PUM2: variants seen among roughly 807,000 people sequenced by gnomAD.
The protein encoded by PUM2 is pumilio RNA binding family member 2.
PUM2 carries 57 observed loss-of-function variants against 124.5 expected under a neutral mutation model. The ratio of observed to expected loss-of-function variants is 0.46; its 90% CI spans 0.37 to 0.57. PUM2 has a LOEUF of 0.57. Ranked by LOEUF, PUM2 falls within the 20% of genes least tolerant of loss-of-function variation. The pLI is 0.00. For synonymous variants in PUM2, 460 were observed against 446.1 expected (o/e 1.03, Z -0.39); for missense variants, 1,065 against 1,290.6 (o/e 0.83, Z 2.68).
intron 13 of PUM2, among the ~76,000 whole-genome samples, chr2:20,266,102 A>G (rs77336554): frequency 1.3e-5 from 2 of 152,304 alleles, no homozygotes; most frequent in African/African-American, 4.8e-5. Context: ...TTAAAAAACC[A>G]TAGACATTCA....
chr2:20,312,174 AAGT>A, intron 4 of PUM2, 59 bp downstream of exon 4: 1 of 1,407,944 alleles, frequency 7.1e-7, no homozygotes, highest in Non-Finnish European at 9.6e-7. Flanking sequence ...TTAAAAATAA[AAGT>A]AACGTAACCA....
chr2:20,319,281 G>A (rs1353926057), intron 2 of PUM2, among the ~76,000 whole-genome samples: 1 of 152,128 alleles, frequency 6.6e-6, no homozygotes, highest in Non-Finnish European at 1.5e-5. Context: ...TGAACATTTT[G>A]GACAATTCTT....
rs1683901988 is a variant in PUM2 at position 20,327,256 on chromosome 2, A to G, written c.51+54T>C. ...GATGGTTAAAAAAAAAAAATAAGTT[A>G]CAATGGCTCAAAATAAAGTGAGGTG... On this transcript the variant is annotated intron_variant, in intron 2 of 20. Coordinates refer to ENST00000361078, the MANE Select transcript of PUM2 (RefSeq NM_015317.5). The G allele has an allele frequency of 3.1e-6, 4 of 1,277,092 alleles. No individual in the cohort carries two copies. In the East Asian group the frequency reaches 9.3e-5, roughly 30 times the overall value. 79.1% of individuals were successfully genotyped at this position (1,277,092 alleles called of 1,614,324 possible).
intron 9 of PUM2, 66 bp from the exon 10 acceptor site, chr2:20,290,856 C>T: frequency 7.9e-7 from 1 of 1,261,272 alleles, no homozygotes; most frequent in South Asian, 1.8e-5. Flanking sequence ...TTATCTTGGA[C>T]AACTGTGTAT....
Position 20,278,778 on chromosome 2 carries a change from G to A in PUM2, c.1762C>T (p.Leu588=). The stretch of plus-strand genomic sequence containing the variant: ...TTGTACAAGTCAGAGCTAGTAGATA[G>A]AGACTCTCTCCTTGTGGCACTACTA... ...ASSSATRRES[L]STSSDLYKRS... Residue 588 remains leucine, a synonymous_variant, in exon 13 of 21, where the codon CTA becomes TTA. Transcript: ENST00000361078. The A allele has an allele frequency of 6.2e-7, 1 of 1,613,478 alleles. No individual in the cohort carries two copies. Among genetic ancestry groups the A allele is most frequent in the African/African-American group, 1.3e-5 (1 of 74,944 alleles).
intron 2 of PUM2, among the ~76,000 whole-genome samples, chr2:20,318,851 A>G (rs1029578220): frequency 6.6e-6 from 1 of 152,158 alleles, no homozygotes; most frequent in African/African-American, 2.4e-5. Flanking sequence ...TCTAGACCTT[A>G]AACAAAAATC....
At chr2:20,262,678 C>T (rs1279374771) in intron 14 of PUM2, among the ~76,000 whole-genome samples, 2 of 152,164 alleles carry the variant, frequency 1.3e-5, no homozygotes, top group African/African-American at 4.8e-5. Context: ...AAATGTGTTA[C>T]AATTCTATTT....
intron 9 of PUM2, among the ~76,000 whole-genome samples, chr2:20,292,888 T>C (rs553959612): frequency 2.0e-4 from 30 of 152,042 alleles, no homozygotes; most frequent in African/African-American, 7.2e-4. Flanking sequence ...GATCACTCCA[T>C]TGCACTCCAG....
At chr2:20,269,130 T>A (rs1668420352) in intron 13 of PUM2, among the ~76,000 whole-genome samples, 1 of 152,102 alleles carries the variant, frequency 6.6e-6, no homozygotes, top group African/African-American at 2.4e-5. Context: ...TAATCTCACA[T>A]GCCATTCTTA....
chr2:20,254,697 T>C (rs1047200598), intron 19 of PUM2, among the ~76,000 whole-genome samples, 166 bp downstream of exon 19: 2 of 152,160 alleles, frequency 1.3e-5, no homozygotes, highest in Non-Finnish European at 2.9e-5. Flanking sequence ...ATTTGTTATG[T>C]AGATTTTTTT....
intron 14 of PUM2, among the ~76,000 whole-genome samples, chr2:20,260,815 G>GA (rs1666019273): frequency 6.6e-6 from 1 of 151,948 alleles, no homozygotes; most frequent in Non-Finnish European, 1.5e-5. Context: ...CATAATAAAG[G>GA]AAACCCTTAG....
At chr2:20,269,470 G>C (rs546009960) in intron 13 of PUM2, among the ~76,000 whole-genome samples, 1 of 152,068 alleles carries the variant, frequency 6.6e-6, no homozygotes, top group East Asian at 1.9e-4. Context: ...CAAAGTGCTG[G>C]GATCACATGC....
intron 13 of PUM2, among the ~76,000 whole-genome samples, chr2:20,276,202 A>G (rs892143080): frequency 6.6e-6 from 1 of 151,998 alleles, no homozygotes; most frequent in Non-Finnish European, 1.5e-5. Flanking sequence ...AGTGATTACT[A>G]GTCATCCTGC....
rs140521914 is a variant in PUM2 at position 20,311,170 on chromosome 2, A to G, written c.518+324T>C. 5.6e-3 allele frequency among the ~76,000 whole-genome samples: 856 copies of G among 152,230 alleles called. 6 individuals are homozygous for G. Among genetic ancestry groups the G allele is most frequent in the Middle Eastern group, 0.014 (4 of 294 alleles). On this transcript the variant is annotated intron_variant, in intron 5 of 20. Transcript: ENST00000361078. ...CCAAGAGGGGAAAAAAAAAAATCAG[A>G]GTAAACCTACAGTTCACTAAAATTT...
intron 4 of PUM2, 75 bp from the exon 5 acceptor site, chr2:20,311,738 A>G: frequency 7.3e-7 from 1 of 1,375,234 alleles, no homozygotes; most frequent in Non-Finnish European, 1.0e-6. Flanking sequence ...GTGACCTAAC[A>G]CTACACTACA....
At position 20,308,046 on chromosome 2, in the gene PUM2, G is replaced by A; in HGVS notation, c.815C>T (p.Thr272Ile). ...TTGAGCTGCAGTTAACTGTTGAACT[G>A]TTAGTGCATTAGTCCTCTGAAAGAG... ...QQLFQRTNAL[T>I]VQQLTAAQQQ... Residue 272 changes from threonine to isoleucine, a missense_variant, in exon 7 of 21, where the codon ACA becomes ATA. Physicochemically the swap from Thr to Ile is moderately conservative, Grantham distance 89. Transcript: ENST00000361078. 1.2e-6 allele frequency: 2 copies of A among 1,613,346 alleles called. No homozygotes were observed. Among genetic ancestry groups the A allele is most frequent in the South Asian group, 1.1e-5 (1 of 91,054 alleles).
chr2:20,330,243 T>C (rs1684621167), intron 1 of PUM2, among the ~76,000 whole-genome samples: 1 of 152,212 alleles, frequency 6.6e-6, no homozygotes, highest in Non-Finnish European at 1.5e-5. Context: ...CACCTTAGAA[T>C]AAAGGCTGAA....
chr2:20,331,618 A>G (rs1449068124), intron 1 of PUM2: 1 of 149,102 alleles, frequency 6.7e-6, no homozygotes, highest in Non-Finnish European at 1.5e-5. Context: ...CGAAAGCAGA[A>G]AAAAAAAAAA....
At chr2:20,260,012 A>T (rs1314744883) in intron 15 of PUM2, among the ~76,000 whole-genome samples, 1 of 152,224 alleles carries the variant, frequency 6.6e-6, no homozygotes, top group Non-Finnish European at 1.5e-5. Context: ...TGTGAGATTG[A>T]TCTGCATTTC....
Sources: allele counts gnomAD v4.1 joint callset (sites outside exome capture counted in the v4.1 genomes callset), GRCh38; gene constraint gnomAD v4.1.1; transcripts MANE v1.5; gene names NCBI Gene and HGNC (gene_info 2026-07-23, HGNC 2026-07-21).